Variants in ENTPD1 observed in about 807,000 individuals in gnomAD.
The protein encoded by ENTPD1 is ATP diphosphohydrolase.
A neutral mutation model predicts 57.0 loss-of-function variants in ENTPD1; 33 were observed. The ratio of observed to expected loss-of-function variants is 0.58; its 90% CI spans 0.44 to 0.77. The LOEUF is 0.77. Ranked by LOEUF, ENTPD1 falls within the 30% of genes least tolerant of loss-of-function variation. The pLI, the probability that ENTPD1 is intolerant of heterozygous loss-of-function variation, is 0.00. For synonymous variants in ENTPD1, 202 were observed against 218.8 expected (o/e 0.92, Z 0.68); for missense variants, 501 against 603.4 (o/e 0.83, Z 1.78).
At chr10:95,751,263 C>T (rs1355588739), upstream of ENTPD1, among the ~76,000 whole-genome samples, 1 of 152,120 alleles carries the variant, frequency 6.6e-6, no homozygotes, top group Non-Finnish European at 1.5e-5. Flanking sequence ...AGAGTATGCA[C>T]TATGGCAGAA....
intron 1 of ENTPD1, among the ~76,000 whole-genome samples, chr10:95,725,368 G>A (rs1472835861): frequency 5.3e-5 from 8 of 151,594 alleles, no homozygotes; most frequent in Admixed American, 1.3e-4. Flanking sequence ...ATTCCCCCTC[G>A]GTGAGTATGG....
At chr10:95,855,344 T>C (rs2098452545) in intron 7 of ENTPD1, among the ~76,000 whole-genome samples, 1 of 152,086 alleles carries the variant, frequency 6.6e-6, no homozygotes, top group African/African-American at 2.4e-5. Flanking sequence ...GCACACGAGA[T>C]GGGTTTCCTG....
In ENTPD1 at chr10:95,874,850, G is replaced by A. The variant is rs565712186; in HGVS notation, c.*8467G>A. 5.7e-4 allele frequency among the ~76,000 whole-genome samples: 87 copies of A among 152,360 alleles called. No individual in the cohort carries two copies. The highest frequency in any genetic ancestry group is 2.0e-3 in the African/African-American group (84 of 41,590). On this transcript the variant is annotated 3_prime_UTR_variant, in exon 10 of 10. Transcript: ENST00000371205. ...CATCACATGGAAGCTGCCAATGCTT[G>A]GGGCCTCTACCCTCTGAAGCCACAG...
chr10:95,759,377 C>G (rs1304088334), intron 1 of ENTPD1, among the ~76,000 whole-genome samples: 1 of 152,180 alleles, frequency 6.6e-6, no homozygotes, highest in Non-Finnish European at 1.5e-5. Flanking sequence ...AGCCCCTACT[C>G]CCTGCTCAGC....
intron 1 of ENTPD1, among the ~76,000 whole-genome samples, chr10:95,717,877 C>T (rs4918964): frequency 0.84 from 127,910 of 152,168 alleles, 54,331 homozygotes; most frequent in Non-Finnish European, 0.91. Context: ...CAGTAGATCT[C>T]AGTCATGGAC....
intron 2 of ENTPD1, among the ~76,000 whole-genome samples, chr10:95,836,434 A>C (rs765155335): frequency 2.5e-4 from 38 of 152,200 alleles, no homozygotes; most frequent in Non-Finnish European, 4.3e-4. Context: ...AATTAGTAGA[A>C]TCTTAAACAT....
At position 95,847,633 on chromosome 10, in the gene ENTPD1, A is replaced by G; in HGVS notation, c.1001A>G (p.Asn334Ser). 6 of 1,614,148 alleles carry G rather than the reference A, an allele frequency of 3.7e-6. No individual in the cohort carries two copies. Among genetic ancestry groups the G allele is most frequent in the Non-Finnish European group, 5.1e-6 (6 of 1,180,026 alleles). The change falls in exon 7 of 10, where the codon AAC becomes AGC. Residue 334 changes from asparagine (N) to serine (S), a missense_variant. By Grantham distance (46) the Asn-to-Ser change is conservative. Coordinates refer to ENST00000371205, the MANE Select transcript of ENTPD1 (RefSeq NM_001776.6). ...QCHQSILELF[N>S]TSYCPYSQCA... The stretch of plus-strand genomic sequence containing the variant: ...CATCAAAGCATCCTGGAGCTCTTCA[A>G]CACCAGTTACTGCCCTTACTCCCAG...
chr10:95,709,276 A>G (rs2097963727), upstream of ENTPD1, among the ~76,000 whole-genome samples: 1 of 152,146 alleles, frequency 6.6e-6, no homozygotes, highest in African/African-American at 2.4e-5. Flanking sequence ...ATGAAATTTT[A>G]ATGCATGTGT....
At chr10:95,846,912 C>G (rs2098436812) in intron 6 of ENTPD1, among the ~76,000 whole-genome samples, 1 of 151,740 alleles carries the variant, frequency 6.6e-6, no homozygotes, top group Non-Finnish European at 1.5e-5. Flanking sequence ...TCGCTTGAAC[C>G]TGGGAGGCTG....
intron 1 of ENTPD1, among the ~76,000 whole-genome samples, chr10:95,796,296 C>T (rs963428369): frequency 6.6e-6 from 1 of 152,054 alleles, no homozygotes; most frequent in Non-Finnish European, 1.5e-5. Flanking sequence ...GAGAAGGGTG[C>T]TATGAGAGGA....
intron 1 of ENTPD1, among the ~76,000 whole-genome samples, chr10:95,811,014 T>C (rs2098304209): frequency 6.6e-6 from 1 of 152,232 alleles, no homozygotes; most frequent in African/African-American, 2.4e-5. Context: ...TGTTGATGGT[T>C]AAAGAGAAAG....
At chr10:95,708,135 G>C (rs540440488), upstream of ENTPD1, among the ~76,000 whole-genome samples, 2 of 152,156 alleles carry the variant, frequency 1.3e-5, no homozygotes, top group African/African-American at 2.4e-5. Flanking sequence ...CCATAGGTCA[G>C]TATCTATTAA....
chr10:95,713,884 T>C (rs562055622), intron 1 of ENTPD1, among the ~76,000 whole-genome samples: 1 of 152,378 alleles, frequency 6.6e-6, no homozygotes, highest in East Asian at 1.9e-4. Flanking sequence ...TTCATCAATT[T>C]AAATAGTTAC....
At chr10:95,752,485 C>T (rs1374648310), upstream of ENTPD1, among the ~76,000 whole-genome samples, 1 of 152,076 alleles carries the variant, frequency 6.6e-6, no homozygotes, top group Non-Finnish European at 1.5e-5. Flanking sequence ...TGGAGAAACC[C>T]TGTCTCTACT....
At chr10:95,858,021 G>C (rs569514343) in intron 7 of ENTPD1, among the ~76,000 whole-genome samples, 3 of 152,252 alleles carry the variant, frequency 2.0e-5, no homozygotes, top group African/African-American at 7.2e-5. Flanking sequence ...AGCCGGGCGT[G>C]GTGGCAGGCG....
At chr10:95,765,832 G>C (rs1441583033) in intron 1 of ENTPD1, among the ~76,000 whole-genome samples, 1 of 152,088 alleles carries the variant, frequency 6.6e-6, no homozygotes, top group Non-Finnish European at 1.5e-5. Flanking sequence ...ATGTCTTTCT[G>C]TGTATGTAGG....
chr10:95,844,397 G>A, intron 4 of ENTPD1, 79 bp from the exon 5 acceptor site: 2 of 1,589,922 alleles, frequency 1.3e-6, no homozygotes, highest in Non-Finnish European at 1.7e-6. Context: ...GTAGCACTGT[G>A]TGGATGCTGT....
upstream of ENTPD1, among the ~76,000 whole-genome samples, chr10:95,709,340 A>G (rs2097963748): frequency 6.6e-6 from 1 of 151,660 alleles, no homozygotes; most frequent in African/African-American, 2.4e-5. Flanking sequence ...TGTCTCCCTG[A>G]AAATCTCTCC....
chr10:95,736,123 C>G (rs879579565), intron 1 of ENTPD1, among the ~76,000 whole-genome samples: 2 of 151,736 alleles, frequency 1.3e-5, no homozygotes, highest in African/African-American at 2.4e-5. Context: ...GCCTCAGCCT[C>G]CAGAGTAGCT....
Sources: gnomAD v4.1 joint callset for allele counts (sites outside exome capture counted in the v4.1 genomes callset) on GRCh38, gnomAD v4.1.1 for gene constraint, MANE v1.5 for transcripts, NCBI Gene and HGNC (gene_info 2026-07-23, HGNC 2026-07-21) for gene names.